Variants in FARS2 observed in about 807,000 individuals in gnomAD.
FARS2 encodes the protein phenylalanine--tRNA ligase, mitochondrial.
FARS2 carries 40 observed loss-of-function variants against 46.4 expected under a neutral mutation model. That is an observed-to-expected ratio of 0.86 (90% CI 0.67 to 1.12). The LOEUF is 1.12. FARS2 is among the 50% of genes most tolerant of loss of function. The pLI, the probability that FARS2 is intolerant of heterozygous loss-of-function variation, is 0.00. For missense variants in FARS2, 513 were observed against 567.9 expected (o/e 0.90, Z 0.98); for synonymous variants, 234 against 214.9 (o/e 1.09, Z -0.78).
chr6:5,431,759 G>C, intron 4 of FARS2: 2 of 509,132 alleles, frequency 3.9e-6, no homozygotes, highest in South Asian at 3.0e-5. Context: ...GATCTGTCTG[G>C]CTCTTTTCTG....
chr6:5,748,551 T>TTTATC, intron 6 of FARS2, among the ~76,000 whole-genome samples: 1 of 152,346 alleles, frequency 6.6e-6, no homozygotes, highest in African/African-American at 2.4e-5. Context: ...AATAAAGAGC[T>TTTATC]AGCATTGATT....
intron 6 of FARS2, among the ~76,000 whole-genome samples, chr6:5,756,722 C>T (rs868858055): frequency 9.2e-5 from 14 of 152,170 alleles, no homozygotes; most frequent in South Asian, 2.1e-4. Context: ...CATCTAGGTA[C>T]ATGTAGCAGT....
At chr6:5,420,925 T>TG (rs1488230560) in intron 3 of FARS2, among the ~76,000 whole-genome samples, 2 of 147,152 alleles carry the variant, frequency 1.4e-5, no homozygotes, top group Admixed American at 6.8e-5. Flanking sequence ...AGACCCATTC[T>TG]GGGGTCTGGA....
At chr6:5,748,000 A>G (rs1333291228) in intron 6 of FARS2, among the ~76,000 whole-genome samples, 1 of 152,212 alleles carries the variant, frequency 6.6e-6, no homozygotes, top group Non-Finnish European at 1.5e-5. Flanking sequence ...CTTGAGATCA[A>G]GAGTTCATCT....
chr6:5,263,403 A>G (rs903966303), intron 1 of FARS2, among the ~76,000 whole-genome samples: 41 of 152,202 alleles, frequency 2.7e-4, no homozygotes, highest in African/African-American at 9.4e-4. Flanking sequence ...AAAATACCTT[A>G]TTATTTTATT....
At chr6:5,506,531 A>G (rs537554834) in intron 4 of FARS2, among the ~76,000 whole-genome samples, 3 of 152,186 alleles carry the variant, frequency 2.0e-5, no homozygotes, top group East Asian at 1.9e-4. Context: ...CTCCTTCCCC[A>G]TGTTTTGGTT....
At chr6:5,394,062 C>T (rs1400632378) in intron 2 of FARS2, among the ~76,000 whole-genome samples, 1 of 152,178 alleles carries the variant, frequency 6.6e-6, no homozygotes, top group African/African-American at 2.4e-5. Context: ...AGTTTATTTT[C>T]CTCTGGTAAC....
intron 1 of FARS2, among the ~76,000 whole-genome samples, chr6:5,298,346 T>C (rs538479845): frequency 2.0e-5 from 3 of 152,310 alleles, no homozygotes; most frequent in Middle Eastern, 3.4e-3. Context: ...GGAAGCCTGG[T>C]TGTACATGGT....
intron 1 of FARS2, among the ~76,000 whole-genome samples, chr6:5,297,386 G>A (rs1767964687): frequency 6.6e-6 from 1 of 152,306 alleles, no homozygotes; most frequent in South Asian, 2.1e-4. Flanking sequence ...AGTGGCTCAC[G>A]CCTGTAATCC....
intron 1 of FARS2, among the ~76,000 whole-genome samples, chr6:5,274,939 A>G (rs1178682596): frequency 6.6e-6 from 1 of 152,166 alleles, no homozygotes. Context: ...CTAGTTTTAA[A>G]CTTCTGGCTT....
chr6:5,698,842 GC>G (rs1467885896), intron 6 of FARS2, among the ~76,000 whole-genome samples: 1 of 152,132 alleles, frequency 6.6e-6, no homozygotes, highest in Non-Finnish European at 1.5e-5. Flanking sequence ...TGGGTGGGGT[GC>G]CCTCTGCATC....
intron 5 of FARS2, among the ~76,000 whole-genome samples, chr6:5,588,618 C>G (rs1299284150): frequency 6.6e-6 from 1 of 152,176 alleles, no homozygotes; most frequent in Non-Finnish European, 1.5e-5. Context: ...AAAGAAAACC[C>G]ATGTCTTCTG....
intron 4 of FARS2, among the ~76,000 whole-genome samples, chr6:5,469,593 G>A (rs987260102): frequency 5.3e-5 from 8 of 152,114 alleles, no homozygotes; most frequent in East Asian, 1.9e-4. Flanking sequence ...CACTGCCCTC[G>A]GCATCTCTTA....
intron 1 of FARS2, among the ~76,000 whole-genome samples, chr6:5,274,264 G>C (rs1766172712): frequency 6.6e-6 from 1 of 152,154 alleles, no homozygotes; most frequent in Non-Finnish European, 1.5e-5. Context: ...GATTTTGTTT[G>C]GGTGGCCATG....
intron 6 of FARS2, among the ~76,000 whole-genome samples, chr6:5,661,317 T>A (rs1027052475): frequency 1.5e-4 from 23 of 152,212 alleles, no homozygotes; most frequent in African/African-American, 5.3e-4. Context: ...CACAGATAGT[T>A]TGAAACAGTC....
At chr6:5,634,838 C>T (rs565182858) in intron 6 of FARS2, among the ~76,000 whole-genome samples, 1 of 152,302 alleles carries the variant, frequency 6.6e-6, no homozygotes, top group East Asian at 1.9e-4. Context: ...CTAAATCATT[C>T]CACGGGCAGA....
At chr6:5,688,207 G>A (rs1447290407) in intron 6 of FARS2, among the ~76,000 whole-genome samples, 1 of 152,182 alleles carries the variant, frequency 6.6e-6, no homozygotes, top group East Asian at 1.9e-4. Context: ...TCTCCTGCCT[G>A]ATTGCCCTGG....
chr6:5,618,885 A>AAATGGGAGACTTGAGAAGGC (rs1400474607), intron 6 of FARS2, among the ~76,000 whole-genome samples: 9 of 152,254 alleles, frequency 5.9e-5, no homozygotes, highest in Non-Finnish European at 1.0e-4. Flanking sequence ...TGCATTGACT[A>AAATGGGAGACTTGAGAAGGC]AATGGGAGAC....
chr6:5,351,486 T>A (rs568536044), intron 1 of FARS2, among the ~76,000 whole-genome samples: 1 of 152,362 alleles, frequency 6.6e-6, no homozygotes, highest in South Asian at 2.1e-4. Flanking sequence ...ATATTTCTTG[T>A]AATAGCTTAT....
Sources: gnomAD v4.1 joint callset for allele counts (sites outside exome capture counted in the v4.1 genomes callset) on GRCh38, gnomAD v4.1.1 for gene constraint, MANE v1.5 for transcripts, NCBI Gene and HGNC (gene_info 2026-07-23, HGNC 2026-07-21) for gene names.